The following PRDM5 variants were observed in gnomAD, a reference collection of about 807,000 sequenced individuals.
The protein encoded by PRDM5 is PR domain zinc finger protein 5.
Under a neutral mutation model 81.2 loss-of-function variants are expected in PRDM5, and 56 were observed. That is an observed-to-expected ratio of 0.69 (90% CI 0.56 to 0.86). The LOEUF (loss-of-function observed/expected upper bound fraction) is 0.86. Among genes scored for constraint, PRDM5 ranks in the 40% least tolerant of loss-of-function variants. The pLI, the probability that PRDM5 is intolerant of heterozygous loss-of-function variation, is 0.00. For missense variants in PRDM5, 697 were observed against 770.1 expected (o/e 0.91, Z 1.12); for synonymous variants, 267 against 256.4 (o/e 1.04, Z -0.39).
chr4:120,856,418 AC>A (rs1196598010), intron 2 of PRDM5, among the ~76,000 whole-genome samples: 1 of 152,072 alleles, frequency 6.6e-6, no homozygotes, highest in Admixed American at 6.5e-5. Context: ...TACCCAAACA[AC>A]TTTTAAGTTC....
rs1360885594 is a variant in PRDM5, at chr4:120,695,046, G to T, written c.*65C>A. The T allele has an allele frequency of 5.2e-6, 8 of 1,536,944 alleles. No homozygotes were observed. In the East Asian group the frequency reaches 1.6e-4, roughly 30 times the overall value. On this transcript the variant is annotated 3_prime_UTR_variant, in exon 16 of 16. Transcript: ENST00000264808. ...TGGCTACTTCTGTTATGCTGATCAG[G>T]TGATAAAAATCTGGGATTCATATTA...
chr4:120,813,373 T>C (rs1754098353), intron 7 of PRDM5, among the ~76,000 whole-genome samples: 1 of 152,188 alleles, frequency 6.6e-6, no homozygotes, highest in South Asian at 2.1e-4. Context: ...TGACTCACCA[T>C]GACCATTCCT....
intron 13 of PRDM5, among the ~76,000 whole-genome samples, chr4:120,765,964 T>C (rs1220109898): frequency 1.8e-5 from 1 of 56,588 alleles, no homozygotes; most frequent in East Asian, 1.7e-3. Flanking sequence ...TTTTTCTTTC[T>C]TTTTTTTTTT....
chr4:120,773,714 C>T (rs1332049953), intron 13 of PRDM5, among the ~76,000 whole-genome samples: 2 of 152,216 alleles, frequency 1.3e-5, no homozygotes, highest in African/African-American at 4.8e-5. Context: ...ATATCATCCA[C>T]TGTAATAACA....
chr4:120,785,166 T>C lies in PRDM5; in HGVS notation c.1189-75A>G. ...TACAATGAACGAGTGGAGCTTGGAT[T>C]CATGATGCGAAAGAGGAAAGAAGGG... is the stretch of plus-strand genomic sequence containing the variant. On this transcript the variant is annotated intron_variant, in intron 10 of 15. Coordinates refer to ENST00000264808, the MANE Select transcript of PRDM5 (RefSeq NM_018699.4). 3 of 1,138,232 alleles carry C rather than the reference T, an allele frequency of 2.6e-6. No homozygotes were observed. In the Admixed American group the frequency reaches 5.1e-5, roughly 19 times the overall value. 70.5% of individuals were successfully genotyped at this position (1,138,232 alleles called of 1,614,324 possible). A position where few individuals can be genotyped will look rare whatever the true frequency, so the allele number is the denominator to read the frequency against.
At position 120,862,626 on chromosome 4, in the gene PRDM5, CAG is replaced by C. The variant is rs1052756752; in HGVS notation, c.178-9088_178-9087del. 6.3e-4 allele frequency among the ~76,000 whole-genome samples: 96 copies of C among 152,320 alleles called. 1 individual carries two copies. The highest frequency in any genetic ancestry group is 2.1e-3 in the African/African-American group (89 of 41,574). On this transcript the variant is annotated intron_variant, in intron 2 of 15. Coordinates refer to ENST00000264808, the MANE Select transcript of PRDM5 (RefSeq NM_018699.4). ...GGTGGGCATGGGAGAACTTGGCTCTCAGAGTGTTCCCTGTCAATAGTTAACAT... is the reference window on the plus strand; with the variant it reads ...GGTGGGCATGGGAGAACTTGGCTCTCAGTGTTCCCTGTCAATAGTTAACAT...
intron 2 of PRDM5, among the ~76,000 whole-genome samples, chr4:120,900,087 C>T (rs989883776): frequency 2.0e-5 from 3 of 152,194 alleles, no homozygotes; most frequent in African/African-American, 7.2e-5. Flanking sequence ...GCACCACCCT[C>T]CAGAAATCTC....
At chr4:120,723,998 T>G (rs958382926) in intron 14 of PRDM5, among the ~76,000 whole-genome samples, 1 of 145,606 alleles carries the variant, frequency 6.9e-6, no homozygotes, top group Non-Finnish European at 1.5e-5. Context: ...TCCTGACAAG[T>G]GTATAGTCTC....
rs150605460 is a variant in PRDM5, at chr4:120,742,705, G to T, written c.1623+11848C>A. Among the ~76,000 whole-genome samples the T allele has an allele frequency of 3.3e-3, 496 of 152,306 alleles. 3 individuals are homozygous for T. Among genetic ancestry groups the T allele is most frequent in the African/African-American group, 0.012 (488 of 41,556 alleles). ...CAATGGAAGGTGAAATGAATGAAAT[G>T]AAGCGAGAAGGAAAGTTTAGAGAAA... On this transcript the variant is annotated intron_variant, in intron 14 of 15. Transcript: ENST00000264808.
intron 15 of PRDM5, among the ~76,000 whole-genome samples, chr4:120,703,136 T>C (rs181450311): frequency 2.0e-5 from 3 of 152,320 alleles, no homozygotes; most frequent in African/African-American, 4.8e-5. Flanking sequence ...TTCCCAGTCT[T>C]TATCATGAAT....
chr4:120,872,075 C>A (rs1328263756), intron 2 of PRDM5, among the ~76,000 whole-genome samples: 1 of 139,450 alleles, frequency 7.2e-6, no homozygotes, highest in Non-Finnish European at 1.5e-5. Flanking sequence ...TGCTTGAACC[C>A]GGGAGGCGGA....
At chr4:120,802,487 A>G (rs549861727) in intron 8 of PRDM5, among the ~76,000 whole-genome samples, 1 of 152,334 alleles carries the variant, frequency 6.6e-6, no homozygotes, top group Non-Finnish European at 1.5e-5. Flanking sequence ...CCACATGGCC[A>G]GGTACCCCTC....
intron 15 of PRDM5, among the ~76,000 whole-genome samples, chr4:120,702,078 T>A (rs952400319): frequency 6.6e-6 from 1 of 152,196 alleles, no homozygotes; most frequent in Non-Finnish European, 1.5e-5. Flanking sequence ...GGGGCAAGCA[T>A]GCAAGTAATG....
At chr4:120,813,439 A>G (rs1429788258) in intron 7 of PRDM5, among the ~76,000 whole-genome samples, 1 of 152,220 alleles carries the variant, frequency 6.6e-6, no homozygotes, top group Non-Finnish European at 1.5e-5. Context: ...AAGCAAATCT[A>G]AAACAAGTAA....
intron 14 of PRDM5, among the ~76,000 whole-genome samples, chr4:120,754,008 A>G (rs1391134097): frequency 1.3e-5 from 2 of 152,192 alleles, no homozygotes; most frequent in Non-Finnish European, 2.9e-5. Context: ...TAGTCCAGTG[A>G]GAGTGTTGAC....
rs80211587 is a variant in PRDM5 at position 120,715,991 on chromosome 4, T to C, written c.1624-5578A>G. ...GTATCCTAGACATTGCTCATACAGA[T>C]GCTTAAAAGACTGACTCCCTGCTAG... On this transcript the variant is annotated intron_variant, in intron 14 of 15. Transcript: ENST00000264808. 6.4e-3 allele frequency among the ~76,000 whole-genome samples: 981 copies of C among 152,318 alleles called. 13 individuals carry two copies. The highest frequency in any genetic ancestry group is 0.023 in the African/African-American group (941 of 41,570).
chr4:120,847,404 C>A (rs955505104), intron 3 of PRDM5, among the ~76,000 whole-genome samples: 2 of 152,106 alleles, frequency 1.3e-5, no homozygotes, highest in Admixed American at 1.3e-4. Context: ...TCCTGAGCAA[C>A]CCCAGAGAGA....
At chr4:120,697,082 C>G (rs1312583764) in intron 15 of PRDM5, among the ~76,000 whole-genome samples, 1 of 151,960 alleles carries the variant, frequency 6.6e-6, no homozygotes, top group Non-Finnish European at 1.5e-5. Flanking sequence ...TTATAATAAT[C>G]AATATAAAAG....
intron 2 of PRDM5, among the ~76,000 whole-genome samples, chr4:120,894,671 T>C (rs190791288): frequency 6.6e-6 from 1 of 152,320 alleles, no homozygotes; most frequent in East Asian, 1.9e-4. Context: ...ATATGTATTT[T>C]CAGGGTTTAA....
Sources: allele counts gnomAD v4.1 joint callset (sites outside exome capture counted in the v4.1 genomes callset), GRCh38; gene constraint gnomAD v4.1.1; transcripts MANE v1.5; gene names NCBI Gene and HGNC (gene_info 2026-07-23, HGNC 2026-07-21).